The following ADAD1 variants were observed in gnomAD, a reference collection of about 807,000 sequenced individuals.
The protein encoded by ADAD1 is adenosine deaminase domain-containing protein 1.
A neutral mutation model predicts 66.8 loss-of-function variants in ADAD1; 46 were observed. That is an observed-to-expected ratio of 0.69 (90% confidence interval 0.54 to 0.88). The LOEUF (loss-of-function observed/expected upper bound fraction) is 0.88. Among genes scored for constraint, ADAD1 ranks in the 40% least tolerant of loss-of-function variants. The pLI is 0.00. For missense variants in ADAD1, 617 were observed against 681.8 expected (o/e 0.91, Z 1.06); for synonymous variants, 248 against 229.4 (o/e 1.08, Z -0.73).
chr4:122,381,580 A>G (rs911684125), intron 4 of ADAD1, among the ~76,000 whole-genome samples: 1 of 152,240 alleles, frequency 6.6e-6, no homozygotes, highest in Non-Finnish European at 1.5e-5. Context: ...AAACTCAAGC[A>G]TTAGATTATA....
chr4:122,385,618 G>T (rs969981228), intron 5 of ADAD1, among the ~76,000 whole-genome samples: 1 of 152,082 alleles, frequency 6.6e-6, no homozygotes, highest in Non-Finnish European at 1.5e-5. Flanking sequence ...TGCAGAACAT[G>T]CCAGTTTGTT....
intron 6 of ADAD1, 68 bp downstream of exon 6, chr4:122,393,725 T>A (rs939468110): frequency 8.1e-7 from 1 of 1,232,196 alleles, no homozygotes; most frequent in African/African-American, 1.5e-5. Flanking sequence ...ACAACATAAT[T>A]AAAATAAGCA....
At chr4:122,408,427 C>T (rs1796318189) in intron 8 of ADAD1, among the ~76,000 whole-genome samples, 1 of 152,198 alleles carries the variant, frequency 6.6e-6, no homozygotes, top group African/African-American at 2.4e-5. Flanking sequence ...AGGCATGCGC[C>T]AACACACCCG....
At chr4:122,412,072 C>G (rs979475927) in intron 9 of ADAD1, among the ~76,000 whole-genome samples, 31 of 152,180 alleles carry the variant, frequency 2.0e-4, no homozygotes, top group African/African-American at 7.5e-4. Context: ...CACTTTAAGT[C>G]TGACCATCTA....
intron 7 of ADAD1, among the ~76,000 whole-genome samples, chr4:122,401,182 G>A (rs1291874194): frequency 1.3e-5 from 2 of 151,876 alleles, no homozygotes; most frequent in African/African-American, 4.8e-5. Context: ...GTATCCCAGA[G>A]GTTTTGATAG....
At chr4:122,409,065 G>T (rs1185705937) in intron 8 of ADAD1, among the ~76,000 whole-genome samples, 8 of 152,126 alleles carry the variant, frequency 5.3e-5, no homozygotes, top group Admixed American at 5.2e-4. Flanking sequence ...TATTCATGAG[G>T]ATTACACAAA....
chr4:122,425,045 G>A (rs995994451), intron 12 of ADAD1, among the ~76,000 whole-genome samples: 20 of 152,002 alleles, frequency 1.3e-4, no homozygotes, highest in Non-Finnish European at 2.1e-4. Context: ...CAACAAAGCC[G>A]TAAAATACAC....
intron 6 of ADAD1, among the ~76,000 whole-genome samples, chr4:122,395,763 C>G (rs929150496): frequency 6.6e-6 from 1 of 152,136 alleles, no homozygotes; most frequent in Non-Finnish European, 1.5e-5. Flanking sequence ...TCCTCCTCCT[C>G]TTTCAAAATT....
chr4:122,412,872 T>G (rs1796530198), intron 10 of ADAD1, 63 bp downstream of exon 10: 1 of 1,379,132 alleles, frequency 7.3e-7, no homozygotes, highest in African/African-American at 1.4e-5. Context: ...TGTATTTTAC[T>G]TATCAGTATA....
At chr4:122,419,859 A>G (rs566735110) in intron 11 of ADAD1, among the ~76,000 whole-genome samples, 7 of 152,362 alleles carry the variant, frequency 4.6e-5, no homozygotes, top group African/African-American at 1.4e-4. Flanking sequence ...AAGATACTCA[A>G]TAAAAAGGAA....
chr4:122,426,464 C>T (rs372566832), intron 12 of ADAD1, among the ~76,000 whole-genome samples: 3 of 152,190 alleles, frequency 2.0e-5, no homozygotes, highest in South Asian at 2.1e-4. Context: ...GGAGAAAACA[C>T]TTCTCTACTC....
intron 12 of ADAD1, among the ~76,000 whole-genome samples, chr4:122,429,033 G>A (rs1228940244): frequency 1.3e-5 from 2 of 151,666 alleles, no homozygotes; most frequent in Non-Finnish European, 2.9e-5. Flanking sequence ...ATCGAGTTTT[G>A]TGATTACCGA....
At chr4:122,397,389 C>T (rs1795767169) in intron 7 of ADAD1, among the ~76,000 whole-genome samples, 1 of 152,114 alleles carries the variant, frequency 6.6e-6, no homozygotes, top group Admixed American at 6.5e-5. Context: ...TACTTAACGT[C>T]TCTATGCTTT....
At chr4:122,380,939 A>AT in intron 3 of ADAD1, 53 bp from the exon 4 acceptor site, 2 of 1,493,198 alleles carry the variant, frequency 1.3e-6, no homozygotes, top group Non-Finnish European at 1.8e-6. Flanking sequence ...GCTTTTGCTC[A>AT]TTTTTGTTTG....
chr4:122,408,131 A>T (rs1282715972), intron 8 of ADAD1, 100 bp downstream of exon 8: 1 of 1,284,326 alleles, frequency 7.8e-7, no homozygotes, highest in Non-Finnish European at 1.0e-6. Flanking sequence ...TTTATTGATC[A>T]TAGAGCCAAG....
At position 122,383,886 on chromosome 4, in the gene ADAD1, C is replaced by T; in HGVS notation, c.449C>T (p.Ser150Phe). 1.2e-6 allele frequency: 2 copies of T among 1,613,936 alleles called. No individual in the cohort carries two copies. The highest frequency in any genetic ancestry group is 1.7e-6 in the Non-Finnish European group (2 of 1,179,920). The change falls in exon 5 of 13, where the codon TCT (serine) becomes TTT (phenylalanine). Residue 150 changes from serine to phenylalanine, a missense_variant. By Grantham distance (155) the Ser-to-Phe change is radical. Coordinates refer to ENST00000296513, the MANE Select transcript of ADAD1 (RefSeq NM_139243.4). ...GGACTGGGACAAAATAAAAAGGAGTCTAGATCCAATGCAGCAAAATTAGCT... is the reference window on the plus strand; with the variant it reads ...GGACTGGGACAAAATAAAAAGGAGTTTAGATCCAATGCAGCAAAATTAGCT... ...KTGLGQNKKE[S>F]RSNAAKLALD... is the part of the protein sequence containing the mutation.
rs896732571 is a variant in ADAD1 at position 122,382,109 on chromosome 4, G to A, written c.361+929G>A. Among the ~76,000 whole-genome samples, 4 of 152,264 alleles carry A rather than the reference G, an allele frequency of 2.6e-5. No individual in the cohort carries two copies. In the East Asian group the frequency reaches 5.8e-4, roughly 22 times the overall value. ...AATGTAGAAGGTGGACTTAATTTCC[G>A]TGTAACTAGTTAGCTTTCCTCCAGT... On this transcript the variant is annotated intron_variant, in intron 4 of 12. Transcript: ENST00000296513.
intron 3 of ADAD1, among the ~76,000 whole-genome samples, chr4:122,380,750 C>A (rs1412320654): frequency 6.6e-6 from 1 of 152,108 alleles, no homozygotes; most frequent in Admixed American, 6.6e-5. Context: ...TTCCATGACC[C>A]TTGATATCAC....
At chr4:122,400,413 T>C (rs764984336) in intron 7 of ADAD1, among the ~76,000 whole-genome samples, 2 of 152,164 alleles carry the variant, frequency 1.3e-5, no homozygotes, top group African/African-American at 2.4e-5. Context: ...GCTAGTATTT[T>C]TGTTGAGGAT....
Sources: allele counts gnomAD v4.1 joint callset (sites outside exome capture counted in the v4.1 genomes callset), GRCh38; gene constraint gnomAD v4.1.1; transcripts MANE v1.5; gene names NCBI Gene and HGNC (gene_info 2026-07-23, HGNC 2026-07-21).